Variants in CSMD1 observed in about 807,000 individuals in gnomAD.
CSMD1 encodes the protein CUB and sushi domain-containing protein 1.
CSMD1 carries 213 observed loss-of-function variants against 417.5 expected under a neutral mutation model. That is an observed-to-expected ratio of 0.51 (90% CI 0.46 to 0.57). The LOEUF is 0.57. Among genes scored for constraint, CSMD1 ranks in the 20% least tolerant of loss-of-function variants. The pLI is 0.00. For missense variants in CSMD1, 6,923 were observed against 4,529.7 expected, an observed-to-expected ratio of 1.53 and a Z score of -15.17; for synonymous variants, 2,862 against 1,736.8, an observed-to-expected ratio of 1.65 and a Z score of -16.11.
At chr8:3,137,694 C>T (rs1050141091) in intron 41 of CSMD1, among the ~76,000 whole-genome samples, 6 of 152,166 alleles carry the variant, frequency 3.9e-5, no homozygotes, top group African/African-American at 1.4e-4. Context: ...AAGCAAATGC[C>T]GTGTAAATAG....
At chr8:4,438,444 A>G (rs550512275) in intron 2 of CSMD1, among the ~76,000 whole-genome samples, 2 of 152,292 alleles carry the variant, frequency 1.3e-5, no homozygotes, top group Admixed American at 6.5e-5. Flanking sequence ...ATGACGCTGA[A>G]TGTTAACTGG....
intron 27 of CSMD1, 151 bp downstream of exon 27, chr8:3,229,889 C>A (rs542698219): frequency 1.6e-4 from 87 of 552,086 alleles, no homozygotes; most frequent in Non-Finnish European, 2.6e-4. Context: ...TAAAGGTTTA[C>A]AATAAAATTT....
At chr8:3,087,424 C>A in intron 48 of CSMD1, 139 bp from the exon 49 acceptor site, 1 of 860,546 alleles carries the variant, frequency 1.2e-6, no homozygotes, top group Admixed American at 2.6e-5. Flanking sequence ...TAAGTTTGTT[C>A]TAAAGAGCAT....
intron 6 of CSMD1, among the ~76,000 whole-genome samples, chr8:3,737,131 A>C (rs1563325815): frequency 6.6e-6 from 1 of 152,230 alleles, no homozygotes; most frequent in Non-Finnish European, 1.5e-5. Flanking sequence ...TTTAATCTTA[A>C]ATTAGATGGG....
At chr8:4,005,697 T>C (rs565145394) in intron 4 of CSMD1, among the ~76,000 whole-genome samples, 2 of 152,332 alleles carry the variant, frequency 1.3e-5, no homozygotes, top group Admixed American at 1.3e-4. Context: ...ACAGAAGAAC[T>C]TTCAAGACTC....
chr8:3,893,706 T>A (rs1229446282), intron 5 of CSMD1, among the ~76,000 whole-genome samples: 2 of 151,958 alleles, frequency 1.3e-5, no homozygotes, highest in Non-Finnish European at 2.9e-5. Flanking sequence ...GCAACCGTGG[T>A]AACAATACAG....
chr8:3,272,015 T>TC (rs1207880076), intron 26 of CSMD1, among the ~76,000 whole-genome samples: 2 of 151,956 alleles, frequency 1.3e-5, no homozygotes, highest in African/African-American at 4.8e-5. Flanking sequence ...CATGCCTATG[T>TC]CCTGAATGGT....
At chr8:3,370,724 C>T (rs1448521235) in intron 18 of CSMD1, among the ~76,000 whole-genome samples, 2 of 152,176 alleles carry the variant, frequency 1.3e-5, no homozygotes, top group African/African-American at 2.4e-5. Context: ...CCTGTAATCC[C>T]AGCACTTTGG....
chr8:3,757,612 C>G (rs1333058243), intron 5 of CSMD1, among the ~76,000 whole-genome samples: 1 of 152,074 alleles, frequency 6.6e-6, no homozygotes, highest in Non-Finnish European at 1.5e-5. Flanking sequence ...CCTGTAATCC[C>G]AGCACTTTGG....
At chr8:3,055,378 A>C (rs1812146057) in intron 49 of CSMD1, among the ~76,000 whole-genome samples, 1 of 152,200 alleles carries the variant, frequency 6.6e-6, no homozygotes, top group Non-Finnish European at 1.5e-5. Context: ...GTCTTAACAA[A>C]AGGCTATTTG....
intron 1 of CSMD1, among the ~76,000 whole-genome samples, chr8:4,835,862 A>G (rs1172643788): frequency 6.6e-6 from 1 of 151,872 alleles, no homozygotes; most frequent in Non-Finnish European, 1.5e-5. Context: ...ATGGTCACTA[A>G]GTGTTGGTTG....
intron 1 of CSMD1, among the ~76,000 whole-genome samples, chr8:4,984,252 T>A (rs147432709): frequency 1.3e-4 from 20 of 152,308 alleles, no homozygotes; most frequent in African/African-American, 4.3e-4. Context: ...TGTCTAATGT[T>A]CTAGCTTCCA....
intron 10 of CSMD1, among the ~76,000 whole-genome samples, chr8:3,511,094 G>T (rs190619379): frequency 4.7e-4 from 71 of 151,902 alleles, no homozygotes; most frequent in Non-Finnish European, 9.4e-4. Flanking sequence ...CATGGATGAA[G>T]CTGGAAACCA....
At chr8:3,402,383 C>T (rs749209615) in intron 15 of CSMD1, among the ~76,000 whole-genome samples, 6 of 152,104 alleles carry the variant, frequency 3.9e-5, no homozygotes, top group Non-Finnish European at 7.3e-5. Context: ...AGCTTTGCTG[C>T]CACAGAGTTG....
At chr8:4,277,707 G>A (rs1445866586) in intron 3 of CSMD1, among the ~76,000 whole-genome samples, 6 of 152,214 alleles carry the variant, frequency 3.9e-5, no homozygotes, top group African/African-American at 1.4e-4. Context: ...ACTCCTTAAA[G>A]TGTTAACATA....
chr8:3,988,513 G>A (rs912375738), intron 5 of CSMD1, among the ~76,000 whole-genome samples: 3 of 152,308 alleles, frequency 2.0e-5, no homozygotes, highest in African/African-American at 4.8e-5. Flanking sequence ...AGAGCTGAAC[G>A]ATTGTCAGAA....
At chr8:4,979,785 C>A (rs374045099) in intron 1 of CSMD1, among the ~76,000 whole-genome samples, 2 of 152,176 alleles carry the variant, frequency 1.3e-5, no homozygotes, top group East Asian at 1.9e-4. Context: ...CGCCTGTAAT[C>A]CCAGCACTTT....
At chr8:3,945,383 A>G (rs1811154476) in intron 5 of CSMD1, among the ~76,000 whole-genome samples, 1 of 152,128 alleles carries the variant, frequency 6.6e-6, no homozygotes, top group Non-Finnish European at 1.5e-5. Flanking sequence ...AAACCTGCAC[A>G]ATATAAATGA....
intron 12 of CSMD1, among the ~76,000 whole-genome samples, chr8:3,442,935 T>C (rs945249007): frequency 2.6e-5 from 4 of 152,228 alleles, no homozygotes; most frequent in South Asian, 2.1e-4. Context: ...ATGTGTAGAA[T>C]TGCTGTCAAT....
Sources: gnomAD v4.1 joint callset for allele counts (sites outside exome capture counted in the v4.1 genomes callset) on GRCh38, gnomAD v4.1.1 for gene constraint, MANE v1.5 for transcripts, NCBI Gene and HGNC (gene_info 2026-07-23, HGNC 2026-07-21) for gene names.